ARHGAP26: variants seen among roughly 807,000 people sequenced by gnomAD.
The protein encoded by ARHGAP26 is Rho GTPase activating protein 26.
Under a neutral mutation model 104.8 loss-of-function variants are expected in ARHGAP26, and 38 were observed. The ratio of observed to expected loss-of-function variants is 0.36; its 90% confidence interval spans 0.28 to 0.48. The LOEUF is 0.48. Among genes scored for constraint, ARHGAP26 ranks in the 20% least tolerant of loss-of-function variants. The pLI, the probability that ARHGAP26 is intolerant of heterozygous loss-of-function variation, is 0.99. For missense variants in ARHGAP26, 704 were observed against 947.9 expected (o/e 0.74, Z 3.38); for synonymous variants, 341 against 340.0 (o/e 1.00, Z -0.03).
chr5:143,125,369 C>T (rs1796611501), intron 18 of ARHGAP26, among the ~76,000 whole-genome samples: 1 of 152,176 alleles, frequency 6.6e-6, no homozygotes, highest in South Asian at 2.1e-4. Flanking sequence ...TAGAAACACC[C>T]TCTCCCCCCA....
intron 11 of ARHGAP26, among the ~76,000 whole-genome samples, chr5:142,933,783 A>G (rs547601329): frequency 1.1e-4 from 16 of 152,330 alleles, no homozygotes; most frequent in Admixed American, 2.0e-4. Flanking sequence ...TGGACATGTT[A>G]TTACTTCAAA....
chr5:143,106,341 T>C (rs1359144913), intron 17 of ARHGAP26, among the ~76,000 whole-genome samples: 2 of 152,148 alleles, frequency 1.3e-5, no homozygotes, highest in African/African-American at 2.4e-5. Flanking sequence ...GTTCGCATCA[T>C]TGTGCGGGTA....
Position 143,101,639 on chromosome 5 carries a change from CT to C in ARHGAP26, c.1539-19337del, listed in dbSNP as rs554294542. ...ATCTTTCTTTAATTACTTTTCCCTT[CT>C]TTTTTTTTTTTAATTTCCCTGAAAC... On this transcript the variant is annotated intron_variant, in intron 17 of 22. Coordinates refer to ENST00000645722, the MANE Select transcript of ARHGAP26 (RefSeq NM_001135608.3). 2.8e-3 allele frequency among the ~76,000 whole-genome samples: 408 copies of C among 144,560 alleles called. 2 individuals carry two copies. The highest frequency in any genetic ancestry group is 7.7e-3 in the Admixed American group (111 of 14,426). 94.8% of individuals were successfully genotyped at this position (144,560 alleles called of 152,430 possible).
chr5:142,897,567 G>T (rs153169), intron 6 of ARHGAP26, among the ~76,000 whole-genome samples: 36,786 of 152,086 alleles, frequency 0.24, 4,937 homozygotes, highest in South Asian at 0.5. Flanking sequence ...GGGCCCAGTA[G>T]CCTGTAGTTT....
At chr5:142,839,919 GGA>G (rs1205234828) in intron 1 of ARHGAP26, among the ~76,000 whole-genome samples, 2 of 148,610 alleles carry the variant, frequency 1.3e-5, no homozygotes, top group African/African-American at 4.9e-5. Flanking sequence ...GGAGGGGAGG[GGA>G]GAGAGAGACT....
At chr5:142,844,854 C>CA (rs550211748) in intron 1 of ARHGAP26, among the ~76,000 whole-genome samples, 3,562 of 80,434 alleles carry the variant, frequency 0.044, 81 homozygotes, top group East Asian at 0.13. Flanking sequence ...GACTGCGTCT[C>CA]AAAAAAAAAA....
rs920172190 is a variant in ARHGAP26, at chr5:143,224,664, G to T, written c.*2218G>T. On this transcript the variant is annotated 3_prime_UTR_variant, in exon 23 of 23. Transcript: ENST00000645722. ...GGACAAGCTAGTTTTCAAATTTTGT[G>T]TGCGTCTGTAAGTTCTTAAAGAACC... 2 of 230,068 alleles carry T rather than the reference G, an allele frequency of 8.7e-6. No homozygotes were observed. Among genetic ancestry groups the T allele is most frequent in the Non-Finnish European group, 8.6e-6 (1 of 116,160 alleles). 14.3% of individuals were successfully genotyped at this position (230,068 alleles called of 1,614,324 possible).
At chr5:142,938,562 G>T (rs567667772) in intron 11 of ARHGAP26, among the ~76,000 whole-genome samples, 1 of 152,242 alleles carries the variant, frequency 6.6e-6, no homozygotes, top group Non-Finnish European at 1.5e-5. Context: ...ATTGCATATT[G>T]CTGGTAAGCA....
intron 5 of ARHGAP26, among the ~76,000 whole-genome samples, chr5:142,889,199 A>G (rs1465910915): frequency 6.6e-6 from 1 of 152,228 alleles, no homozygotes; most frequent in Non-Finnish European, 1.5e-5. Context: ...ATGGGGATCA[A>G]TTCATTCATT....
At chr5:142,945,166 A>G (rs1766923537) in intron 11 of ARHGAP26, among the ~76,000 whole-genome samples, 1 of 152,136 alleles carries the variant, frequency 6.6e-6, no homozygotes, top group African/African-American at 2.4e-5. Context: ...TCCCATCTCA[A>G]GGAGCCACAG....
intron 10 of ARHGAP26, among the ~76,000 whole-genome samples, chr5:142,920,497 A>T (rs1321465016): frequency 6.6e-6 from 1 of 152,174 alleles, no homozygotes. Flanking sequence ...AAAATAATAA[A>T]ACTTTTTCTG....
chr5:142,819,646 G>A (rs767513119), intron 1 of ARHGAP26, among the ~76,000 whole-genome samples: 9 of 152,106 alleles, frequency 5.9e-5, no homozygotes, highest in Non-Finnish European at 1.3e-4. Context: ...AGGTGATAGG[G>A]GAGATGATTT....
At chr5:143,166,795 C>T (rs1044932106) in intron 20 of ARHGAP26, among the ~76,000 whole-genome samples, 4 of 152,190 alleles carry the variant, frequency 2.6e-5, no homozygotes, top group Admixed American at 6.5e-5. Flanking sequence ...AGGTAGAGCA[C>T]GTTCGAAGAC....
intron 11 of ARHGAP26, among the ~76,000 whole-genome samples, chr5:142,932,533 A>G (rs570030374): frequency 2.0e-5 from 3 of 152,294 alleles, no homozygotes; most frequent in East Asian, 1.9e-4. Flanking sequence ...GTAATCTTGT[A>G]GTTGTTCTGC....
chr5:143,016,377 C>G (rs1167502271), intron 12 of ARHGAP26, among the ~76,000 whole-genome samples: 1 of 152,172 alleles, frequency 6.6e-6, no homozygotes, highest in Non-Finnish European at 1.5e-5. Context: ...ACCCTTTCAT[C>G]TAGCACACAG....
chr5:143,050,930 C>A (rs1230908343), intron 14 of ARHGAP26, among the ~76,000 whole-genome samples: 4 of 152,228 alleles, frequency 2.6e-5, no homozygotes, highest in Non-Finnish European at 4.4e-5. Context: ...ATGCTTCAGG[C>A]AGGCTCTCCT....
At chr5:142,778,392 T>C (rs1041003107) in intron 1 of ARHGAP26, among the ~76,000 whole-genome samples, 3 of 152,240 alleles carry the variant, frequency 2.0e-5, no homozygotes, top group Non-Finnish European at 4.4e-5. Flanking sequence ...TTTTCCTAGC[T>C]AACAATCATT....
chr5:142,826,697 C>G (rs1480700820), intron 1 of ARHGAP26, among the ~76,000 whole-genome samples: 2 of 152,168 alleles, frequency 1.3e-5, no homozygotes, highest in African/African-American at 2.4e-5. Context: ...TTCCCTGTGT[C>G]CCTGGCCCCA....
At chr5:143,042,646 G>A (rs1783640713) in intron 14 of ARHGAP26, among the ~76,000 whole-genome samples, 1 of 152,218 alleles carries the variant, frequency 6.6e-6, no homozygotes, top group South Asian at 2.1e-4. Flanking sequence ...GGAAGCCCTG[G>A]CTTGTAGAGA....
Sources: allele counts gnomAD v4.1 joint callset (sites outside exome capture counted in the v4.1 genomes callset), GRCh38; gene constraint gnomAD v4.1.1; transcripts MANE v1.5; gene names NCBI Gene and HGNC (gene_info 2026-07-23, HGNC 2026-07-21).